CTNNA3: variants seen among roughly 807,000 people sequenced by gnomAD.
The protein encoded by CTNNA3 is catenin alpha 3.
In CTNNA3, 76 loss-of-function variants were observed where a neutral mutation model predicts 95.7. The ratio of observed to expected loss-of-function variants is 0.79; its 90% CI spans 0.66 to 0.96. The LOEUF (loss-of-function observed/expected upper bound fraction) is 0.96. CTNNA3 is among the 40% of genes least tolerant of loss of function. The pLI is 0.00. For missense variants in CTNNA3, 1,191 were observed against 1,089.8 expected, an observed-to-expected ratio of 1.09 and a Z score of -1.31; for synonymous variants, 431 against 374.4, an observed-to-expected ratio of 1.15 and a Z score of -1.74.
rs2081723295 is a variant in CTNNA3, at chr10:66,103,224, G to A, written c.1910C>T (p.Ser637Phe). 1.2e-6 allele frequency: 2 copies of A among 1,613,984 alleles called. No homozygotes were observed. Among genetic ancestry groups the A allele is most frequent in the Non-Finnish European group, 1.7e-6 (2 of 1,179,958 alleles). Residue 637 changes from serine (S) to phenylalanine (F), a missense_variant, in exon 14 of 18, where the codon TCT becomes TTT. Coordinates refer to ENST00000433211, the MANE Select transcript of CTNNA3 (RefSeq NM_013266.4). ...GACCTCGTGTTCCTCTTCAAGGTCA[G>A]AAACATCCTCCAGTTCCTCTGGGGT... The part of the protein sequence containing the change: ...IRTPEELEDV[S>F]DLEEEHEVRS...
rs9415881 is a variant in CTNNA3 at position 67,447,281 on chromosome 10, G to T, written c.579+74561C>A. ...AGTTATTGTTTATCTTAAAACATGC[G>T]TGTAATAGATTGTATCTTCTTGGCT... On this transcript the variant is annotated intron_variant, in intron 5 of 17. Transcript: ENST00000433211. 6.6e-5 allele frequency among the ~76,000 whole-genome samples: 10 copies of T among 152,142 alleles called. No homozygotes were observed. The East Asian group carries it at 1.4e-3, about 21-fold the overall frequency.
intron 5 of CTNNA3, among the ~76,000 whole-genome samples, chr10:67,449,898 T>C (rs914977813): frequency 4.6e-5 from 7 of 151,826 alleles, no homozygotes; most frequent in African/African-American, 1.5e-4. Context: ...TTTTGCAAAC[T>C]AACAAAGGTC....
At chr10:66,605,955 A>G (rs913816055) in intron 10 of CTNNA3, among the ~76,000 whole-genome samples, 7 of 152,174 alleles carry the variant, frequency 4.6e-5, no homozygotes, top group African/African-American at 1.2e-4. Context: ...ACACATACCA[A>G]TACTAACCTT....
intron 12 of CTNNA3, among the ~76,000 whole-genome samples, chr10:66,346,268 G>A (rs12777522): frequency 5.9e-5 from 8 of 135,052 alleles, no homozygotes; most frequent in East Asian, 2.3e-4. Flanking sequence ...GAGAGAGAGA[G>A]AGAGAGAGAG....
intron 11 of CTNNA3, among the ~76,000 whole-genome samples, chr10:66,421,972 T>C (rs926479270): frequency 1.4e-5 from 2 of 142,674 alleles, no homozygotes; most frequent in Admixed American, 7.2e-5. Flanking sequence ...TGAATCCTGC[T>C]GATATCAATT....
At chr10:66,923,926 G>A (rs1846927542) in intron 7 of CTNNA3, among the ~76,000 whole-genome samples, 1 of 152,200 alleles carries the variant, frequency 6.6e-6, no homozygotes, top group African/African-American at 2.4e-5. Flanking sequence ...TGCTGTTGTA[G>A]ATATTAGGAA....
intron 7 of CTNNA3, among the ~76,000 whole-genome samples, chr10:67,020,415 C>T (rs1261546810): frequency 4.6e-5 from 7 of 152,122 alleles, no homozygotes; most frequent in Admixed American, 1.3e-4. Context: ...GAATGGATGG[C>T]AGCAGGGATA....
In CTNNA3 at chr10:66,727,594, A is replaced by G. The variant is rs1190059392; in HGVS notation, c.1281+38670T>C. Among the ~76,000 whole-genome samples, 4 of 152,242 alleles carry G rather than the reference A, an allele frequency of 2.6e-5. No individual in the cohort carries two copies. The East Asian group carries it at 7.7e-4, about 29-fold the overall frequency. On this transcript the variant is annotated intron_variant, in intron 9 of 17. Transcript: ENST00000433211. The stretch of plus-strand genomic sequence containing the variant: ...ATTAAAGCAATATTTCTTTTGGAGA[A>G]GTTATTCCTTTAAAAATTCAACTGG...
intron 9 of CTNNA3, among the ~76,000 whole-genome samples, chr10:66,763,059 G>T (rs886496145): frequency 1.5e-4 from 22 of 151,664 alleles, no homozygotes; most frequent in Non-Finnish European, 2.1e-4. Context: ...GCATGTCTGT[G>T]GGGTGGGGTG....
intron 11 of CTNNA3, among the ~76,000 whole-genome samples, chr10:66,510,648 T>C (rs922804474): frequency 2.6e-5 from 4 of 151,906 alleles, no homozygotes; most frequent in African/African-American, 9.7e-5. Flanking sequence ...TCTATTGAGA[T>C]AATATGTTTT....
intron 9 of CTNNA3, among the ~76,000 whole-genome samples, chr10:66,735,626 C>A (rs563830689): frequency 6.6e-6 from 1 of 152,074 alleles, no homozygotes; most frequent in South Asian, 2.1e-4. Flanking sequence ...TTGAAATAAC[C>A]AGAGTTGATT....
At chr10:66,136,913 G>A (rs968139851) in intron 13 of CTNNA3, among the ~76,000 whole-genome samples, 3 of 151,868 alleles carry the variant, frequency 2.0e-5, no homozygotes, top group East Asian at 3.9e-4. Flanking sequence ...CCTCCACCTC[G>A]TGGGTTCAAG....
intron 7 of CTNNA3, among the ~76,000 whole-genome samples, chr10:67,034,775 A>G (rs74556221): frequency 0.02 from 3,014 of 152,270 alleles, 104 homozygotes; most frequent in African/African-American, 0.069. Flanking sequence ...AATATTAAAT[A>G]CTGTTTACAA....
chr10:67,243,878 C>T (rs531106404), intron 5 of CTNNA3, among the ~76,000 whole-genome samples: 2 of 152,302 alleles, frequency 1.3e-5, no homozygotes, highest in Admixed American at 1.3e-4. Flanking sequence ...TTTGTTGACA[C>T]GTCTGTGTCT....
chr10:66,868,372 TAAAAA>T (rs71035195), intron 7 of CTNNA3, among the ~76,000 whole-genome samples: 1 of 143,162 alleles, frequency 7.0e-6, no homozygotes, highest in Non-Finnish European at 1.5e-5. Flanking sequence ...TCGCAAAAAT[TAAAAA>T]AAAAATAAAA....
intron 10 of CTNNA3, among the ~76,000 whole-genome samples, chr10:66,557,823 T>G (rs908540251): frequency 1.2e-4 from 19 of 152,168 alleles, no homozygotes; most frequent in African/African-American, 4.6e-4. Context: ...TCTGATTATC[T>G]GATTCTGATT....
At chr10:66,662,223 T>C (rs560249878) in intron 9 of CTNNA3, among the ~76,000 whole-genome samples, 1 of 152,306 alleles carries the variant, frequency 6.6e-6, no homozygotes, top group East Asian at 1.9e-4. Flanking sequence ...TAACTTTTCT[T>C]AAAACAATGG....
At chr10:66,796,722 C>A (rs531516652) in intron 7 of CTNNA3, among the ~76,000 whole-genome samples, 1 of 151,926 alleles carries the variant, frequency 6.6e-6, no homozygotes, top group Non-Finnish European at 1.5e-5. Context: ...TAAAAGAGAG[C>A]AGTCAGAAAG....
At chr10:67,247,768 A>T (rs920256186) in intron 5 of CTNNA3, among the ~76,000 whole-genome samples, 1 of 152,236 alleles carries the variant, frequency 6.6e-6, no homozygotes, top group African/African-American at 2.4e-5. Flanking sequence ...ATTACACATT[A>T]TATGCTTGTA....
Sources: gnomAD v4.1 joint callset for allele counts (sites outside exome capture counted in the v4.1 genomes callset) on GRCh38, gnomAD v4.1.1 for gene constraint, MANE v1.5 for transcripts, NCBI Gene and HGNC (gene_info 2026-07-23, HGNC 2026-07-21) for gene names.